Variants in CAMKMT observed in about 807,000 individuals in gnomAD.
CAMKMT encodes calmodulin-lysine N-methyltransferase.
Under a neutral mutation model 48.0 loss-of-function variants are expected in CAMKMT, and 53 were observed. The ratio of observed to expected loss-of-function variants is 1.10; its 90% CI spans 0.89 to 1.39. The LOEUF is 1.39. Ranked by LOEUF, CAMKMT falls within the 40% of genes most tolerant of loss-of-function variation. CAMKMT has a pLI of 0.00. For missense variants in CAMKMT, 428 were observed against 402.7 expected (o/e 1.06, Z -0.54); for synonymous variants, 165 against 152.3 (o/e 1.08, Z -0.61).
chr2:44,436,844 A>G (rs1390557319), intron 3 of CAMKMT, among the ~76,000 whole-genome samples: 1 of 152,204 alleles, frequency 6.6e-6, no homozygotes, highest in Non-Finnish European at 1.5e-5. Context: ...AAGGCTTGCA[A>G]GTATTACATC....
At chr2:44,546,799 G>T (rs1361906505) in intron 3 of CAMKMT, among the ~76,000 whole-genome samples, 2 of 152,306 alleles carry the variant, frequency 1.3e-5, no homozygotes, top group South Asian at 4.1e-4. Context: ...AATTTAGGTA[G>T]AAGTGTCCCT....
intron 3 of CAMKMT, among the ~76,000 whole-genome samples, chr2:44,521,629 A>C (rs967899966): frequency 6.6e-6 from 1 of 152,190 alleles, no homozygotes; most frequent in African/African-American, 2.4e-5. Flanking sequence ...AGGTTAGGCA[A>C]CTTGCCTAGA....
chr2:44,372,993 A>T, intron 2 of CAMKMT, 105 bp downstream of exon 2: 1 of 1,066,406 alleles, frequency 9.4e-7, no homozygotes, highest in Admixed American at 3.0e-5. Context: ...GTTTACGGGC[A>T]ATCTTTTTCA....
intron 3 of CAMKMT, among the ~76,000 whole-genome samples, chr2:44,496,838 C>G (rs1253176508): frequency 6.6e-6 from 1 of 152,160 alleles, no homozygotes; most frequent in Non-Finnish European, 1.5e-5. Flanking sequence ...ATGTAGGCAT[C>G]TGGGGACTCT....
chr2:44,381,694 C>T (rs1304806594), intron 2 of CAMKMT, among the ~76,000 whole-genome samples: 1 of 152,142 alleles, frequency 6.6e-6, no homozygotes, highest in East Asian at 1.9e-4. Context: ...ATAATACATA[C>T]TTTGTTATAA....
intron 2 of CAMKMT, among the ~76,000 whole-genome samples, chr2:44,376,441 A>G (rs1381233528): frequency 6.6e-6 from 1 of 151,246 alleles, no homozygotes; most frequent in African/African-American, 2.4e-5. Context: ...AAAAAAATAG[A>G]CACTGGGGAT....
chr2:44,489,993 T>C (rs1023797995), intron 3 of CAMKMT, among the ~76,000 whole-genome samples: 6 of 151,922 alleles, frequency 3.9e-5, no homozygotes, highest in East Asian at 1.9e-4. Context: ...ATTAGATTAA[T>C]ACACACACAC....
At chr2:44,607,829 T>TA (rs904751973) in intron 3 of CAMKMT, among the ~76,000 whole-genome samples, 2 of 152,046 alleles carry the variant, frequency 1.3e-5, no homozygotes, top group Non-Finnish European at 2.9e-5. Context: ...ACTTTATTTT[T>TA]AAAAAACTTT....
At chr2:44,575,193 C>G (rs1444885022) in intron 3 of CAMKMT, among the ~76,000 whole-genome samples, 1 of 152,108 alleles carries the variant, frequency 6.6e-6, no homozygotes, top group African/African-American at 2.4e-5. Flanking sequence ...ATTCTCCTGC[C>G]TCGGTCTCCT....
chr2:44,700,314 G>T (rs113520016), intron 3 of CAMKMT, among the ~76,000 whole-genome samples: 1 of 152,068 alleles, frequency 6.6e-6, no homozygotes, highest in Admixed American at 6.6e-5. Context: ...CTTATCATTC[G>T]TGTGTTCACT....
chr2:44,390,195 G>A (rs906991830), intron 2 of CAMKMT, 46 bp from the exon 3 acceptor site: 1 of 1,481,766 alleles, frequency 6.7e-7, no homozygotes, highest in South Asian at 1.2e-5. Context: ...TACTAAAAAT[G>A]TTAACATTTC....
intron 7 of CAMKMT, among the ~76,000 whole-genome samples, chr2:44,723,417 C>G (rs776215329): frequency 6.6e-6 from 1 of 151,888 alleles, no homozygotes; most frequent in African/African-American, 2.4e-5. Flanking sequence ...ATGGTGAAAC[C>G]CCACCTCTAC....
chr2:44,595,452 C>G (rs529676046), intron 3 of CAMKMT, among the ~76,000 whole-genome samples: 1 of 152,130 alleles, frequency 6.6e-6, no homozygotes, highest in African/African-American at 2.4e-5. Context: ...TTATAAGGAC[C>G]TCTTCAAGGA....
At chr2:44,386,641 G>A (rs184711528) in intron 2 of CAMKMT, among the ~76,000 whole-genome samples, 119 of 152,136 alleles carry the variant, frequency 7.8e-4, no homozygotes, top group African/African-American at 2.8e-3. Flanking sequence ...TCATTTTGAT[G>A]TAGGCATTTA....
At chr2:44,744,445 C>G (rs1229482209) in intron 8 of CAMKMT, among the ~76,000 whole-genome samples, 1 of 152,098 alleles carries the variant, frequency 6.6e-6, no homozygotes, top group Admixed American at 6.5e-5. Flanking sequence ...TTCAACTAAT[C>G]TTATGTATTT....
At chr2:44,648,545 G>C (rs1030537736) in intron 3 of CAMKMT, among the ~76,000 whole-genome samples, 1 of 152,146 alleles carries the variant, frequency 6.6e-6, no homozygotes, top group African/African-American at 2.4e-5. Context: ...GCTGATATGG[G>C]ACCAATGGAT....
chr2:44,627,145 A>T (rs1258536337), intron 3 of CAMKMT, among the ~76,000 whole-genome samples: 1 of 152,074 alleles, frequency 6.6e-6, no homozygotes, highest in East Asian at 1.9e-4. Flanking sequence ...TTTCTCCTTT[A>T]CTTTGTTAAT....
rs548776659 is a variant in CAMKMT at position 44,686,490 on chromosome 2, A to G, written c.377-17793A>G. ...CCAATGTCAGTTTCTTAATTTCGAG[A>G]AGTATAAGATGTTAACAATGGGAGA... On this transcript the variant is annotated intron_variant, in intron 3 of 10. Transcript: ENST00000378494. 7.9e-5 allele frequency among the ~76,000 whole-genome samples: 12 copies of G among 152,292 alleles called. No homozygotes were observed. The South Asian group carries it at 2.5e-3, about 32-fold the overall frequency.
intron 7 of CAMKMT, among the ~76,000 whole-genome samples, chr2:44,729,372 TG>T (rs1678962654): frequency 6.6e-6 from 1 of 152,134 alleles, no homozygotes; most frequent in Non-Finnish European, 1.5e-5. Flanking sequence ...AGAAAATGTC[TG>T]TGTGTCAGGA....
Sources: allele counts gnomAD v4.1 joint callset (sites outside exome capture counted in the v4.1 genomes callset), GRCh38; gene constraint gnomAD v4.1.1; transcripts MANE v1.5; gene names NCBI Gene and HGNC (gene_info 2026-07-23, HGNC 2026-07-21).